Variants in ZNF846 observed in about 807,000 individuals in gnomAD.
ZNF846 encodes the protein zinc finger protein 846, also known as zinc finger protein 420 pseudogene.
A neutral mutation model predicts 16.0 loss-of-function variants in ZNF846; 15 were observed. The observed-to-expected ratio is 0.94, with a 90% CI of 0.63 to 1.45. The LOEUF (loss-of-function observed/expected upper bound fraction) is 1.45, where lower values mean the gene tolerates loss of function less well. ZNF846 is among the 40% of genes most tolerant of loss of function. The probability of loss-of-function intolerance (pLI) is 0.00; values close to 1 mark genes in which losing one functional copy is unlikely to be tolerated. For missense variants in ZNF846, 714 were observed against 622.3 expected, an observed-to-expected ratio of 1.15 and a Z score of -1.57; for synonymous variants, 229 against 212.0, an observed-to-expected ratio of 1.08 and a Z score of -0.70.
chr19:9,778,585 A>T (rs2045470658), intron 1 of ZNF846, among the ~76,000 whole-genome samples: 1 of 152,108 alleles, frequency 6.6e-6, no homozygotes, highest in African/African-American at 2.4e-5. Context: ...CGGATGGATC[A>T]CCTGAGGTCA....
chr19:9,749,546 CTTTTT>C (rs60331343), downstream of ZNF846, among the ~76,000 whole-genome samples: 6 of 125,560 alleles, frequency 4.8e-5, no homozygotes, highest in African/African-American at 1.2e-4. Context: ...ATAAGTCTTT[CTTTTT>C]TTTTTTTTTT....
At chr19:9,772,815 G>A (rs890899209), upstream of ZNF846, among the ~76,000 whole-genome samples, 1 of 152,166 alleles carries the variant, frequency 6.6e-6, no homozygotes, top group African/African-American at 2.4e-5. Flanking sequence ...CCTTATGCCT[G>A]TAATATCAGC....
intron 1 of ZNF846, among the ~76,000 whole-genome samples, chr19:9,782,070 C>A (rs544000489): frequency 2.0e-5 from 3 of 152,066 alleles, no homozygotes; most frequent in Admixed American, 2.0e-4. Flanking sequence ...AGCCACCGCA[C>A]CCGGCCTAAT....
intron 3 of ZNF846, 78 bp downstream of exon 3, chr19:9,763,204 G>C: frequency 7.4e-7 from 1 of 1,353,844 alleles, no homozygotes. Flanking sequence ...GCTTATTACA[G>C]TACCCTCATT....
chr19:9,778,592 G>T (rs1470479460), intron 1 of ZNF846, among the ~76,000 whole-genome samples: 5 of 152,108 alleles, frequency 3.3e-5, no homozygotes, highest in Non-Finnish European at 4.4e-5. Flanking sequence ...ATCACCTGAG[G>T]TCAGGAGTTT....
downstream of ZNF846, among the ~76,000 whole-genome samples, chr19:9,749,060 C>G (rs1188801611): frequency 1.3e-5 from 2 of 152,176 alleles, no homozygotes; most frequent in Non-Finnish European, 2.9e-5. Context: ...GCAGGACCCT[C>G]CCCATTGGGT....
downstream of ZNF846, among the ~76,000 whole-genome samples, chr19:9,754,563 TTAAAAAAA>T (rs1199855597): frequency 8.8e-3 from 735 of 83,762 alleles, 11 homozygotes; most frequent in Non-Finnish European, 0.013. Flanking sequence ...AGACTCTGTC[TTAAAAAAA>T]AAAAAAAAAA....
chr19:9,752,650 T>C (rs1165052775), downstream of ZNF846, among the ~76,000 whole-genome samples: 1 of 149,696 alleles, frequency 6.7e-6, no homozygotes, highest in Non-Finnish European at 1.5e-5. Context: ...TATTGCTTCT[T>C]TCAGTGATTT....
At chr19:9,758,118 G>C (rs2045162016) in exon 6 of ZNF846, 1 of 1,613,464 alleles carries the variant, frequency 6.2e-7, no homozygotes, top group Non-Finnish European at 8.5e-7. Context: ...TGTGGATCTA[G>C]TGAAGGCTTT....
chr19:9,752,274 G>C lies in ZNF846; in HGVS notation c.*165C>G, dbSNP rs371974962. On this transcript the variant is annotated 3_prime_UTR_variant, in exon 6 of 6. Transcript: ENST00000588267. ...CCACCTTTTTTATCAGCTGGGTCTT[G>C]ATTATCCTTGCCTATTGTTCTTCCA... 20 of 166,082 alleles carry C rather than the reference G, an allele frequency of 1.2e-4. No homozygotes were observed. The South Asian group carries it at 2.6e-3, about 21-fold the overall frequency. The allele number at this position is 166,082 out of a possible 1,614,324, so 10.3% of individuals were successfully genotyped here. A position where few individuals can be genotyped will look rare whatever the true frequency, so the allele number is the denominator to read the frequency against.
At chr19:9,760,103 C>T (rs1222539463) in intron 4 of ZNF846, among the ~76,000 whole-genome samples, 161 bp from the exon 5 acceptor site, 2 of 151,460 alleles carry the variant, frequency 1.3e-5, no homozygotes, top group African/African-American at 4.9e-5. Context: ...ACCAGCCTGG[C>T]CAACATGGTG....
chr19:9,763,368 T>C (rs777543294), exon 3 of ZNF846: 1 of 1,611,710 alleles, frequency 6.2e-7, no homozygotes, highest in African/African-American at 1.3e-5. Flanking sequence ...CCACTCCTCC[T>C]GGGTAAAGTC....
chr19:9,756,573 A>T (rs1431071247), downstream of ZNF846: 1 of 151,148 alleles, frequency 6.6e-6, no homozygotes, highest in East Asian at 1.9e-4. Flanking sequence ...GAGGTTTCTT[A>T]TATCTGAAAC....
exon 6 of ZNF846, chr19:9,757,844 T>C: frequency 6.2e-7 from 1 of 1,613,194 alleles, no homozygotes; most frequent in Non-Finnish European, 8.5e-7. Context: ...TCCTTACATG[T>C]TGACTAAGCA....
At chr19:9,781,435 G>A (rs1413564442) in intron 1 of ZNF846, among the ~76,000 whole-genome samples, 1 of 152,028 alleles carries the variant, frequency 6.6e-6, no homozygotes, top group African/African-American at 2.4e-5. Context: ...CCACTGTTAG[G>A]TGCACTCTTA....
chr19:9,765,923 C>G (rs1052189018), intron 1 of ZNF846, among the ~76,000 whole-genome samples: 2 of 150,926 alleles, frequency 1.3e-5, no homozygotes, highest in African/African-American at 4.9e-5. Flanking sequence ...AATAAATAAA[C>G]AAATAAATAT....
At chr19:9,771,046 A>AAT, upstream of ZNF846, among the ~76,000 whole-genome samples, 1 of 151,578 alleles carries the variant, frequency 6.6e-6, no homozygotes, top group South Asian at 2.1e-4. Flanking sequence ...GATTTCTGGG[A>AAT]TTTTGGTGCA....
downstream of ZNF846, chr19:9,756,771 A>G (rs1290725038): frequency 8.2e-6 from 1 of 121,254 alleles, no homozygotes; most frequent in Non-Finnish European, 1.9e-5. Flanking sequence ...TAAATGTTTT[A>G]TCACATTCCT....
At chr19:9,777,553 C>T (rs1281213937) in intron 1 of ZNF846, among the ~76,000 whole-genome samples, 1 of 151,900 alleles carries the variant, frequency 6.6e-6, no homozygotes, top group Non-Finnish European at 1.5e-5. Context: ...TGCCTGTAAT[C>T]CCAGCTACTT....
Sources: allele counts gnomAD v4.1 joint callset (sites outside exome capture counted in the v4.1 genomes callset), GRCh38; gene constraint gnomAD v4.1.1; transcripts MANE v1.5; gene names NCBI Gene and HGNC (gene_info 2026-07-23, HGNC 2026-07-21).